The following MACF1 variants were observed in gnomAD, a reference collection of about 807,000 sequenced individuals.
MACF1 encodes microtubule actin crosslinking factor 1, also known as microtubule-actin cross-linking factor 1.
MACF1 carries 193 observed loss-of-function variants against 854.8 expected under a neutral mutation model. The ratio of observed to expected loss-of-function variants is 0.23; its 90% CI spans 0.20 to 0.25. The LOEUF is 0.25. Among genes scored for constraint, MACF1 ranks in the 10% least tolerant of loss-of-function variants. The pLI is 1.00. For missense variants in MACF1, 7,722 were observed against 8,929.1 expected, an observed-to-expected ratio of 0.86 and a Z score of 5.45; for synonymous variants, 3,185 against 3,226.7, an observed-to-expected ratio of 0.99 and a Z score of 0.44.
intron 26 of MACF1, among the ~76,000 whole-genome samples, chr1:39,313,689 A>G (rs1457654744): frequency 6.6e-6 from 1 of 152,080 alleles, no homozygotes; most frequent in African/African-American, 2.4e-5. Flanking sequence ...TTGATGCTCA[A>G]AATTTCCCAA....
intron 2 of MACF1, chr1:39,154,363 A>G (rs1643640857): frequency 1.3e-5 from 2 of 152,204 alleles, no homozygotes; most frequent in African/African-American, 4.8e-5. Context: ...GGGTTCTAGC[A>G]TGTAGGTCAG....
Position 39,359,289 on chromosome 1 carries a change from G to A in MACF1, c.12244+25G>A, listed in dbSNP as rs367693849. 1.9e-6 allele frequency: 3 copies of A among 1,612,648 alleles called. No individual in the cohort carries two copies. The East Asian group carries it at 6.7e-5, about 36-fold the overall frequency. Reference sequence around the variant, plus strand: ...GGTATAAAGCAGCAACAGTATAATAGTACTCCCTTAATTCCTAGTATGTAC... The same window carrying A: ...GGTATAAAGCAGCAACAGTATAATAATACTCCCTTAATTCCTAGTATGTAC... On this transcript the variant is annotated intron_variant, in intron 47 of 100. Transcript: ENST00000564288.
chr1:39,202,654 TA>T (rs1280139023), upstream of MACF1, among the ~76,000 whole-genome samples: 3 of 151,736 alleles, frequency 2.0e-5, no homozygotes, highest in African/African-American at 7.3e-5. Context: ...AAAAGTAAAC[TA>T]TCCCCCATTG....
chr1:39,327,094 C>T, intron 35 of MACF1, 124 bp from the exon 36 acceptor site: 1 of 957,744 alleles, frequency 1.0e-6, no homozygotes, highest in East Asian at 2.7e-5. Flanking sequence ...ATGCCAAAGT[C>T]TCCGATGAAT....
At chr1:39,237,467 A>C (rs932631117) in intron 2 of MACF1, among the ~76,000 whole-genome samples, 1 of 152,246 alleles carries the variant, frequency 6.6e-6, no homozygotes, top group Non-Finnish European at 1.5e-5. Context: ...TACCTTGAGT[A>C]ACTAATATTT....
Position 39,240,593 on chromosome 1 carries a change from G to A in MACF1, c.171+9350G>A, listed in dbSNP as rs568942057. On this transcript the variant is annotated intron_variant, in intron 2 of 100. Coordinates refer to ENST00000564288, the MANE Select transcript of MACF1 (RefSeq NM_001394062.1). ...GGCTCACTGCAGCCTCCGCCACCCG[G>A]GTTCAAGCGATTCTCCTGCCTCAGC... Among the ~76,000 whole-genome samples, 83 of 152,270 alleles carry A rather than the reference G, an allele frequency of 5.5e-4. No homozygotes were observed. In the South Asian group the frequency reaches 7.9e-3, roughly 14 times the overall value.
At chr1:39,241,680 AAAG>A (rs1644925139) in intron 2 of MACF1, among the ~76,000 whole-genome samples, 1 of 151,312 alleles carries the variant, frequency 6.6e-6, no homozygotes, top group Non-Finnish European at 1.5e-5. Context: ...AAAAAAAAAA[AAAG>A]AGTACTACGT....
chr1:39,440,095 TCTTTTCTTTTC>T (rs1644070706), intron 72 of MACF1, among the ~76,000 whole-genome samples: 1 of 118,112 alleles, frequency 8.5e-6, no homozygotes, highest in Non-Finnish European at 1.8e-5. Context: ...TCTTTTCTTT[TCTTTTCTTTTC>T]TTTTCTTTTT....
Position 39,105,772 on chromosome 1 carries a change from T to TA in MACF1, c.220+21334_220+21335insA, listed in dbSNP as rs1642214311. On this transcript the variant is annotated intron_variant, in intron 2 of 93. Transcript: ENST00000361689. The surrounding 1 kb of genome is among the most constrained non-coding windows in gnomAD (Gnocchi z 5.9). ...CCCGCGGGCCGGCGCAGCGTGGCCTTCGGAGCCGGTCGGCTCGGCGGCTGC... is the reference window on the plus strand; with the variant it reads ...CCCGCGGGCCGGCGCAGCGTGGCCTTACGGAGCCGGTCGGCTCGGCGGCTGC... The TA allele has an allele frequency of 8.7e-6, 9 of 1,038,874 alleles. No homozygotes were observed. The highest frequency in any genetic ancestry group is 1.0e-5 in the Non-Finnish European group (9 of 860,592). 64.4% of individuals were successfully genotyped at this position (1,038,874 alleles called of 1,614,324 possible). A position where few individuals can be genotyped will look rare whatever the true frequency, so the allele number is the denominator to read the frequency against.
chr1:39,429,770 G>T, intron 64 of MACF1, 57 bp from the exon 65 acceptor site: 9 of 1,544,844 alleles, frequency 5.8e-6, no homozygotes, highest in Non-Finnish European at 8.0e-6. Context: ...AAGGGGATCA[G>T]AGACTCCTCA....
At chr1:39,327,100 T>G in intron 35 of MACF1, 118 bp from the exon 36 acceptor site, 2 of 1,007,226 alleles carry the variant, frequency 2.0e-6, no homozygotes, top group Non-Finnish European at 2.8e-6. Flanking sequence ...AAGTCTCCGA[T>G]GAATATGGAA....
intron 2 of MACF1, among the ~76,000 whole-genome samples, chr1:39,189,784 C>G (rs769238856): frequency 6.6e-6 from 1 of 152,188 alleles, no homozygotes; most frequent in South Asian, 2.1e-4. Context: ...CCTCCTGACA[C>G]AGCCTGTACT....
At chr1:39,478,191 C>T (rs550806802) in intron 97 of MACF1, among the ~76,000 whole-genome samples, 5 of 151,974 alleles carry the variant, frequency 3.3e-5, no homozygotes, top group East Asian at 1.9e-4. Flanking sequence ...TTAGTAGAGA[C>T]GGGGTTTTGC....
chr1:39,350,877 G>A lies in MACF1; in HGVS notation c.11058G>A (p.Leu3686=). 1 of 1,614,022 alleles carries A rather than the reference G, an allele frequency of 6.2e-7. No individual in the cohort carries two copies. The highest frequency in any genetic ancestry group is 8.5e-7 in the Non-Finnish European group (1 of 1,179,966). ...EGFMEENQTK[L]SPRELTALRE... ...TCATGGAAGAGAATCAGACCAAGCT[G>A]AGCCCACGTGAGTTGACAGCTCTTC... Residue 3686 remains leucine, a synonymous_variant, in exon 43 of 101, where the codon CTG becomes CTA. Coordinates refer to ENST00000564288, the MANE Select transcript of MACF1 (RefSeq NM_001394062.1).
intron 2 of MACF1, among the ~76,000 whole-genome samples, chr1:39,186,170 ATCTCTCTCTCTCTCTCTCTCTCTCTC>A (rs55658204): frequency 1.5e-4 from 16 of 109,958 alleles, no homozygotes; most frequent in Non-Finnish European, 2.7e-4. Context: ...GATTCTGAAC[ATCTCTCTCTCTCTCTCTCTCTCTCTC>A]TCTCTCTCTC....
chr1:39,254,135 T>G, intron 4 of MACF1, 163 bp from the exon 5 acceptor site: 1 of 613,606 alleles, frequency 1.6e-6, no homozygotes, highest in Non-Finnish European at 2.9e-6. Flanking sequence ...TCGAAACACG[T>G]ACAGGCCTGG....
Position 39,435,672 on chromosome 1 carries a change from C to G in MACF1, c.17899C>G (p.Gln5967Glu). 1 of 1,614,074 alleles carries G rather than the reference C, an allele frequency of 6.2e-7. No individual in the cohort carries two copies. Among genetic ancestry groups the G allele is most frequent in the East Asian group, 2.2e-5 (1 of 44,884 alleles). The change falls in exon 70 of 101, where the codon CAG becomes GAG. Residue 5967 changes from glutamine (Q) to glutamate (E), a missense_variant. Around this residue, in one of 15 missense-constraint regions of MACF1, gnomAD observed 2,807 missense variants for 3,235.8 expected, o/e 0.87. Coordinates refer to ENST00000564288, the MANE Select transcript of MACF1 (RefSeq NM_001394062.1). The stretch of plus-strand genomic sequence containing the variant: ...AGGGGAAATGGTGGAAGAAAAATAC[C>G]AGAAAGCAGAAAACATGTATGCCCA... ...EEGEMVEEKYQKAENMYAQIK... is the reference protein window; with the variant it reads ...EEGEMVEEKYEKAENMYAQIK...
intron 97 of MACF1, among the ~76,000 whole-genome samples, chr1:39,478,073 G>T (rs1349847534): frequency 6.8e-6 from 1 of 148,000 alleles, no homozygotes; most frequent in Non-Finnish European, 1.5e-5. Context: ...CACGATCTCG[G>T]CTCACTGCAG....
At chr1:39,220,349 T>G (rs933202786) in intron 1 of MACF1, among the ~76,000 whole-genome samples, 1 of 150,592 alleles carries the variant, frequency 6.6e-6, no homozygotes, top group African/African-American at 2.4e-5. Flanking sequence ...ATTTTTGTAT[T>G]TTTAGTAGAG....
Sources: allele counts gnomAD v4.1 joint callset (sites outside exome capture counted in the v4.1 genomes callset), GRCh38; gene constraint gnomAD v4.1.1; regional missense constraint gnomAD v4.1.1; non-coding constraint Gnocchi (gnomAD v3.1); transcripts MANE v1.5; gene names NCBI Gene and HGNC (gene_info 2026-07-23, HGNC 2026-07-21).